Variants in TMEM182 observed in about 807,000 individuals in gnomAD.
TMEM182 encodes transmembrane protein 182.
In TMEM182, 20 loss-of-function variants were observed where a neutral mutation model predicts 26.8. The observed-to-expected ratio is 0.75, with a 90% confidence interval of 0.53 to 1.09. TMEM182 has a LOEUF of 1.09. Among genes scored for constraint, TMEM182 ranks in the 50% least tolerant of loss-of-function variants. The probability of loss-of-function intolerance (pLI) is 0.00; values close to 1 mark genes in which losing one functional copy is unlikely to be tolerated. For missense variants in TMEM182, 277 were observed against 275.5 expected (o/e 1.01, Z -0.04); for synonymous variants, 109 against 102.2 (o/e 1.07, Z -0.40).
chr2:102,842,051 TATC>T (rs1192631824), intron 3 of TMEM182, among the ~76,000 whole-genome samples: 4 of 152,210 alleles, frequency 2.6e-5, no homozygotes, highest in Non-Finnish European at 4.4e-5. Context: ...AATATTTTAA[TATC>T]ATTTTGAATA....
chr2:102,760,419 C>A (rs1680170692), upstream of TMEM182, among the ~76,000 whole-genome samples: 1 of 152,118 alleles, frequency 6.6e-6, no homozygotes, highest in South Asian at 2.1e-4. Context: ...TCAGGCAGAG[C>A]TATTATGGCT....
At chr2:102,806,653 C>G (rs540369937) in intron 4 of TMEM182, among the ~76,000 whole-genome samples, 1 of 152,140 alleles carries the variant, frequency 6.6e-6, no homozygotes, top group East Asian at 1.9e-4. Context: ...GAGCTCGTGC[C>G]AAAGCTTAAT....
At chr2:102,805,418 G>A (rs960865802) in intron 4 of TMEM182, among the ~76,000 whole-genome samples, 1 of 152,158 alleles carries the variant, frequency 6.6e-6, no homozygotes, top group African/African-American at 2.4e-5. Context: ...TTGCTTTCCT[G>A]TAAGTGTCCA....
chr2:102,818,382 T>C (rs1480196776), downstream of TMEM182, among the ~76,000 whole-genome samples: 1 of 152,146 alleles, frequency 6.6e-6, no homozygotes, highest in Non-Finnish European at 1.5e-5. Flanking sequence ...AAGCATAAAG[T>C]TAGCAAAGGG....
At chr2:102,774,290 C>A (rs1311326572) in intron 3 of TMEM182, among the ~76,000 whole-genome samples, 3 of 133,562 alleles carry the variant, frequency 2.2e-5, no homozygotes, top group Non-Finnish European at 4.6e-5. Flanking sequence ...GAATCTCGTC[C>A]TGTAGCCCAG....
chr2:102,780,796 T>C (rs555406443), intron 3 of TMEM182, among the ~76,000 whole-genome samples: 2 of 152,286 alleles, frequency 1.3e-5, no homozygotes, highest in African/African-American at 4.8e-5. Flanking sequence ...CTTGTAGCGG[T>C]GGGACTGCAG....
chr2:102,819,382 G>A (rs146136391), downstream of TMEM182, among the ~76,000 whole-genome samples: 460 of 152,174 alleles, frequency 3.0e-3, 4 homozygotes, highest in African/African-American at 0.011. Context: ...TTCATCCCCC[G>A]AAAATTCAAG....
At chr2:102,792,800 C>T (rs1324915575) in intron 3 of TMEM182, among the ~76,000 whole-genome samples, 3 of 152,138 alleles carry the variant, frequency 2.0e-5, no homozygotes, top group African/African-American at 7.2e-5. Flanking sequence ...CCTTTAAATA[C>T]CAATCTGTGG....
At chr2:102,749,918 AC>A (rs1273086548) in intron 1 of TMEM182, among the ~76,000 whole-genome samples, 1 of 152,160 alleles carries the variant, frequency 6.6e-6, no homozygotes, top group Non-Finnish European at 1.5e-5. Context: ...TGAAAAACAT[AC>A]TTCAAAATGT....
chr2:102,797,006 G>A (rs1681897821), intron 3 of TMEM182, among the ~76,000 whole-genome samples: 1 of 151,954 alleles, frequency 6.6e-6, no homozygotes, highest in Non-Finnish European at 1.5e-5. Context: ...TTATCCTTTT[G>A]GAAATGATGA....
At chr2:102,757,853 G>A (rs2104648894), upstream of TMEM182, among the ~76,000 whole-genome samples, 1 of 152,304 alleles carries the variant, frequency 6.6e-6, no homozygotes, top group African/African-American at 2.4e-5. Flanking sequence ...AAGGCAAAGA[G>A]GAAGCAAGCA....
At chr2:102,739,167 T>C (rs934657951) in intron 1 of TMEM182, among the ~76,000 whole-genome samples, 1 of 152,186 alleles carries the variant, frequency 6.6e-6, no homozygotes, top group African/African-American at 2.4e-5. Flanking sequence ...GGCCAGGTCA[T>C]AGCACTTAAA....
intron 3 of TMEM182, among the ~76,000 whole-genome samples, chr2:102,771,946 T>C (rs1680692965): frequency 6.6e-6 from 1 of 152,130 alleles, no homozygotes; most frequent in Admixed American, 6.5e-5. Flanking sequence ...GGGCACAAAA[T>C]CACCCTCTAA....
Position 102,797,681 on chromosome 2 carries a change from T to A in TMEM182, c.332-182T>A, listed in dbSNP as rs1681926604. On this transcript the variant is annotated intron_variant, in intron 3 of 4. Transcript: ENST00000412401. ...TGAAGGTCACCAGCTTGGACATCAC[T>A]GATTCCAAGGTCATCTGATAAGATC... 6.1e-6 allele frequency: 4 copies of A among 650,504 alleles called. No individual in the cohort carries two copies. In the East Asian group the frequency reaches 8.8e-5, roughly 14 times the overall value. The allele number at this position is 650,504 out of a possible 1,614,324, so 40.3% of individuals were successfully genotyped here. A position where few individuals can be genotyped will look rare whatever the true frequency, so the allele number is the denominator to read the frequency against.
At chr2:102,749,183 T>C (rs1007129250) in intron 1 of TMEM182, among the ~76,000 whole-genome samples, 1 of 152,084 alleles carries the variant, frequency 6.6e-6, no homozygotes, top group African/African-American at 2.4e-5. Context: ...GCTTTAAAAA[T>C]ATAATATTAT....
chr2:102,819,260 ATATT>A (rs1174615435), downstream of TMEM182, among the ~76,000 whole-genome samples: 3 of 152,230 alleles, frequency 2.0e-5, no homozygotes, highest in Non-Finnish European at 2.9e-5. Flanking sequence ...AAATGAACAG[ATATT>A]TAAACAACAA....
At chr2:102,804,499 T>A (rs1440236195) in intron 4 of TMEM182, among the ~76,000 whole-genome samples, 1 of 152,248 alleles carries the variant, frequency 6.6e-6, no homozygotes, top group Non-Finnish European at 1.5e-5. Context: ...TTCTTTTTAA[T>A]GGCTGAGTAG....
intron 3 of TMEM182, among the ~76,000 whole-genome samples, chr2:102,783,534 C>T (rs1481776510): frequency 1.3e-5 from 2 of 152,152 alleles, no homozygotes; most frequent in Admixed American, 6.5e-5. Flanking sequence ...CAGACATTTC[C>T]ACCACATTCC....
rs954881591 is a variant in TMEM182, at chr2:102,816,521, A to C, written c.*1553A>C. 1 of 957,294 alleles carries C rather than the reference A, an allele frequency of 1.0e-6. No homozygotes were observed. Among genetic ancestry groups the C allele is most frequent in the Non-Finnish European group, 1.2e-6 (1 of 806,594 alleles). 59.3% of individuals were successfully genotyped at this position (957,294 alleles called of 1,614,324 possible). On this transcript the variant is annotated 3_prime_UTR_variant, in exon 5 of 5. Transcript: ENST00000412401. ...ATGACAGGACTTGCCAATAATAATAATAATAATAATAATAATAATAATAAT... is the reference window on the plus strand; with the variant it reads ...ATGACAGGACTTGCCAATAATAATACTAATAATAATAATAATAATAATAAT...
Sources: gnomAD v4.1 joint callset for allele counts (sites outside exome capture counted in the v4.1 genomes callset) on GRCh38, gnomAD v4.1.1 for gene constraint, MANE v1.5 for transcripts, NCBI Gene and HGNC (gene_info 2026-07-23, HGNC 2026-07-21) for gene names.